KANK4: variants seen among roughly 807,000 people sequenced by gnomAD.
KANK4 encodes the protein KN motif and ankyrin repeat domains 4, also known as KN motif and ankyrin repeat domain-containing protein 4.
KANK4 carries 50 observed loss-of-function variants against 80.8 expected under a neutral mutation model. The observed-to-expected ratio is 0.62, with a 90% CI of 0.49 to 0.78. KANK4 has a LOEUF of 0.78. KANK4 is among the 30% of genes least tolerant of loss of function. KANK4 has a pLI of 0.00. For missense variants in KANK4, 1,196 were observed against 1,240.1 expected, an observed-to-expected ratio of 0.96 and a Z score of 0.53; for synonymous variants, 465 against 506.9, an observed-to-expected ratio of 0.92 and a Z score of 1.11.
chr1:62,266,645 C>T, intron 6 of KANK4, 87 bp downstream of exon 6: 1 of 852,568 alleles, frequency 1.2e-6, no homozygotes, highest in South Asian at 1.5e-5. Flanking sequence ...CTGCCTCACA[C>T]CACTGAATGG....
chr1:62,287,497 T>C (rs1321874862), intron 1 of KANK4, among the ~76,000 whole-genome samples: 1 of 152,220 alleles, frequency 6.6e-6, no homozygotes, highest in Non-Finnish European at 1.5e-5. Flanking sequence ...AGTGTCACCC[T>C]GAAACGCTGC....
intron 9 of KANK4, among the ~76,000 whole-genome samples, chr1:62,246,350 G>A (rs1570960374): frequency 1.3e-5 from 2 of 152,280 alleles, no homozygotes; most frequent in Admixed American, 1.3e-4. Context: ...TTTCAGTTAA[G>A]TGACTACAGA....
chr1:62,255,226 T>A (rs1671724863), intron 7 of KANK4, among the ~76,000 whole-genome samples: 1 of 152,084 alleles, frequency 6.6e-6, no homozygotes, highest in South Asian at 2.1e-4. Context: ...AATGAGAACT[T>A]TAAAGAAAGT....
At chr1:62,296,954 C>T (rs7514266) in intron 1 of KANK4, among the ~76,000 whole-genome samples, 109,193 of 151,996 alleles carry the variant, frequency 0.72, 40,647 homozygotes, top group African/African-American at 0.91. Flanking sequence ...CAGTGGCTCA[C>T]GCCTGTAATC....
At chr1:62,257,728 C>T (rs954632457) in intron 7 of KANK4, among the ~76,000 whole-genome samples, 3 of 152,110 alleles carry the variant, frequency 2.0e-5, no homozygotes, top group African/African-American at 7.2e-5. Flanking sequence ...GAGAAAGTAA[C>T]GACTCTCTCA....
Position 62,274,767 on chromosome 1 carries a change from C to T in KANK4, c.337G>A (p.Gly113Ser). The change falls in exon 3 of 10, where the codon GGT becomes AGT. Residue 113 changes from glycine to serine, a missense_variant. Transcript: ENST00000371153. ...CTTGTTGAGGCCTGGGGGGCATTAC[C>T]AAGCGGTGGTGACTGGTTTTGCTCC... Reference protein sequence around the residue: ...TQEQNQSPPLGNAPQASTSRS... With the variant: ...TQEQNQSPPLSNAPQASTSRS... The T allele has an allele frequency of 6.2e-7, 1 of 1,614,112 alleles. No individual in the cohort carries two copies. The highest frequency in any genetic ancestry group is 8.5e-7 in the Non-Finnish European group (1 of 1,179,998).
At chr1:62,238,715 C>T (rs563394174) in intron 9 of KANK4, among the ~76,000 whole-genome samples, 2 of 151,590 alleles carry the variant, frequency 1.3e-5, no homozygotes, top group African/African-American at 4.8e-5. Context: ...CTGCAACCTC[C>T]GTCTCCTGGG....
chr1:62,241,360 G>A (rs1188578200), intron 9 of KANK4, among the ~76,000 whole-genome samples: 1 of 152,140 alleles, frequency 6.6e-6, no homozygotes, highest in Non-Finnish European at 1.5e-5. Flanking sequence ...GGAAGGAAGT[G>A]GCATTTCAGT....
chr1:62,261,675 T>G (rs1174513592), intron 7 of KANK4, among the ~76,000 whole-genome samples: 1 of 152,150 alleles, frequency 6.6e-6, no homozygotes, highest in Non-Finnish European at 1.5e-5. Flanking sequence ...TCCTGGGACC[T>G]TCCAAGCAGG....
At chr1:62,281,770 G>A in intron 1 of KANK4, 136 bp from the exon 2 acceptor site, 2 of 631,254 alleles carry the variant, frequency 3.2e-6, no homozygotes, top group Non-Finnish European at 5.7e-6. Flanking sequence ...GCCCTCCAAG[G>A]AGGAAGATTA....
chr1:62,315,939 T>C (rs1644535188), intron 1 of KANK4, among the ~76,000 whole-genome samples: 1 of 152,134 alleles, frequency 6.6e-6, no homozygotes, highest in Non-Finnish European at 1.5e-5. Context: ...TCAGCACGGG[T>C]CCTGGCACAG....
rs13374355 is a variant in KANK4, at chr1:62,282,039, G to A, written c.-70-405C>T. Among the ~76,000 whole-genome samples, 401 of 152,286 alleles carry A rather than the reference G, an allele frequency of 2.6e-3. 3 individuals are homozygous for A. Among genetic ancestry groups the A allele is most frequent in the African/African-American group, 9.4e-3 (391 of 41,558 alleles). ...TGAAATCTACCTATCCCCATCCTGG[G>A]AAGGGACTTATAATCCACTTTGCGA... On this transcript the variant is annotated intron_variant, in intron 1 of 9. Transcript: ENST00000371153.
intron 9 of KANK4, among the ~76,000 whole-genome samples, chr1:62,244,141 A>T (rs183168896): frequency 6.6e-6 from 1 of 152,138 alleles, no homozygotes; most frequent in Non-Finnish European, 1.5e-5. Flanking sequence ...TCACCTACCC[A>T]AAGGAACCTA....
At chr1:62,251,310 A>G (rs1671611461) in intron 8 of KANK4, among the ~76,000 whole-genome samples, 1 of 152,176 alleles carries the variant, frequency 6.6e-6, no homozygotes, top group Admixed American at 6.5e-5. Context: ...TCTCGGGCAC[A>G]GAAGTCTCAT....
intron 7 of KANK4, among the ~76,000 whole-genome samples, chr1:62,261,559 C>A (rs1671887500): frequency 6.6e-6 from 1 of 152,042 alleles, no homozygotes; most frequent in Non-Finnish European, 1.5e-5. Flanking sequence ...GTCTGCCCTG[C>A]CACCTCCTCT....
At chr1:62,292,999 A>G (rs146438031) in intron 1 of KANK4, among the ~76,000 whole-genome samples, 1 of 151,786 alleles carries the variant, frequency 6.6e-6, no homozygotes, top group Admixed American at 6.6e-5. Context: ...TGGGTCTTTC[A>G]CAGTTCCCAG....
chr1:62,247,487 G>T lies in KANK4; in HGVS notation c.2868C>A (p.Ser956Arg). The T allele has an allele frequency of 6.2e-7, 1 of 1,613,916 alleles. No homozygotes were observed. Among genetic ancestry groups the T allele is most frequent in the Non-Finnish European group, 8.5e-7 (1 of 1,180,010 alleles). The part of the protein sequence containing the change: ...RLLLAHPACD[S>R]SLTDKAGRTA... Reference sequence around the variant, plus strand: ...TAAGTCTCACCTTGTCAGTCAGGCTGCTGTCGCAGGCTGGGTGTGCCAGGA... The same window carrying T: ...TAAGTCTCACCTTGTCAGTCAGGCTTCTGTCGCAGGCTGGGTGTGCCAGGA... The change falls in exon 9 of 10, where the codon AGC becomes AGA. Residue 956 changes from serine to arginine, a missense_variant. Around this residue, in one of 3 missense-constraint regions of KANK4, gnomAD observed 1,154 missense variants for 1,179.6 expected, o/e 0.98. Transcript: ENST00000371153.
intron 1 of KANK4, among the ~76,000 whole-genome samples, chr1:62,310,230 C>A (rs1209771163): frequency 6.6e-6 from 1 of 152,226 alleles, no homozygotes; most frequent in South Asian, 2.1e-4. Context: ...GGGCCTGCCA[C>A]CTGCCCTCTC....
At chr1:62,256,464 C>A (rs955815269) in intron 7 of KANK4, among the ~76,000 whole-genome samples, 4 of 151,776 alleles carry the variant, frequency 2.6e-5, no homozygotes, top group African/African-American at 4.8e-5. Flanking sequence ...CAGCTCACTG[C>A]GATCTCCGCC....
Sources: gnomAD v4.1 joint callset for allele counts (sites outside exome capture counted in the v4.1 genomes callset) on GRCh38, gnomAD v4.1.1 for gene constraint, gnomAD v4.1.1 regional missense constraint, MANE v1.5 for transcripts, NCBI Gene and HGNC (gene_info 2026-07-23, HGNC 2026-07-21) for gene names.